Variants in TMEM235 observed in about 807,000 individuals in gnomAD.
The protein encoded by TMEM235 is transmembrane protein 235, also known as claudin-27.
Under a neutral mutation model 22.9 loss-of-function variants are expected in TMEM235, and 23 were observed. The observed-to-expected ratio is 1.00, with a 90% CI of 0.72 to 1.42. TMEM235 has a LOEUF of 1.42. Ranked by LOEUF, TMEM235 falls within the 40% of genes most tolerant of loss-of-function variation. TMEM235 has a pLI of 0.00. For synonymous variants in TMEM235, 137 were observed against 140.5 expected (o/e 0.98, Z 0.17); for missense variants, 308 against 299.5 (o/e 1.03, Z -0.21).
At position 78,237,535 on chromosome 17, in the gene TMEM235, T is replaced by A. The variant is rs969044446; in HGVS notation, c.410-1489T>A. 6.6e-6 allele frequency among the ~76,000 whole-genome samples: 1 copy of A among 152,090 alleles called. No individual in the cohort carries two copies. Among genetic ancestry groups the A allele is most frequent in the African/African-American group, 2.4e-5 (1 of 41,414 alleles). On this transcript the variant is annotated intron_variant, in intron 4 of 5. Transcript: ENST00000421688. The surrounding 1 kb of genome is among the most constrained non-coding windows in gnomAD (Gnocchi z 4.7). ...CACCTTCATTTTGGGAGAAAGGCCG[T>A]GTCCTCGGCCAGGCTACAGGAGGCA...
rs1189503797 is a variant in TMEM235, at chr17:78,238,833, TG to T, written c.410-189del. On this transcript the variant is annotated intron_variant, in intron 4 of 5. Transcript: ENST00000421688. The surrounding 1 kb of genome is among the most constrained non-coding windows in gnomAD (Gnocchi z 4.3). ...GCCCTGTCCAACCCCAAGCAGGAGG[TG>T]GTGTCTGGGAGAGGCGGCCAGGTTG... is the stretch of plus-strand genomic sequence containing the variant. Among the ~76,000 whole-genome samples the T allele has an allele frequency of 1.3e-5, 2 of 151,028 alleles. No homozygotes were observed. The highest frequency in any genetic ancestry group is 4.9e-5 in the African/African-American group (2 of 40,980).
In TMEM235 at chr17:78,237,079, G is replaced by A. The variant is rs74723665; in HGVS notation, c.410-1945G>A. ...CCTGGGAGCGAAGGCACCGGCTAGG[G>A]GGTGGAGGGGCCGGAGGTAGCTGGT... On this transcript the variant is annotated intron_variant, in intron 4 of 5. Coordinates refer to ENST00000421688, the Ensembl canonical transcript of TMEM235. The surrounding 1 kb of genome is among the most constrained non-coding windows in gnomAD (Gnocchi z 4.7). Among the ~76,000 whole-genome samples the A allele has an allele frequency of 8.4e-3, 1,279 of 152,318 alleles. 27 individuals are homozygous for A. Among genetic ancestry groups the A allele is most frequent in the African/African-American group, 0.029 (1,208 of 41,572 alleles).
At chr17:78,233,183 G>A (rs545322846) in intron 2 of TMEM235, among the ~76,000 whole-genome samples, 3 of 152,338 alleles carry the variant, frequency 2.0e-5, no homozygotes, top group East Asian at 1.9e-4. Flanking sequence ...GGCTCTGCAC[G>A]CGTGTGAGAA....
chr17:78,233,350 G>A (rs892836991), intron 2 of TMEM235, among the ~76,000 whole-genome samples: 1 of 152,206 alleles, frequency 6.6e-6, no homozygotes, highest in African/African-American at 2.4e-5. Context: ...CTCTGAGGGG[G>A]CCTCCATGGA....
exon 6 of TMEM235, chr17:78,240,349 C>T (rs768297310): frequency 2.5e-5 from 5 of 200,378 alleles, no homozygotes; most frequent in Admixed American, 5.0e-5. Context: ...GTTTGGGATG[C>T]AGGCTTGTTA....
chr17:78,233,362 C>G (rs2076605575), intron 2 of TMEM235, among the ~76,000 whole-genome samples: 1 of 152,166 alleles, frequency 6.6e-6, no homozygotes, highest in Non-Finnish European at 1.5e-5. Context: ...CTCCATGGAG[C>G]GTTTGAAAGT....
chr17:78,232,347 G>C, intron 2 of TMEM235, 134 bp downstream of exon 1: 2 of 873,050 alleles, frequency 2.3e-6, no homozygotes, highest in Non-Finnish European at 3.2e-6. Context: ...TCTGCCCCAG[G>C]GTGTCTCTCC....
exon 2 of TMEM235, chr17:78,231,868 G>A (rs1307232738): frequency 8.7e-7 from 1 of 1,144,658 alleles, no homozygotes; most frequent in Non-Finnish European, 1.1e-6. Context: ...GGGGGCCCGC[G>A]AGGCCAGTGC....
chr17:78,231,979 G>A (rs1192434290), exon 2 of TMEM235: 1 of 772,460 alleles, frequency 1.3e-6, no homozygotes, highest in Non-Finnish European at 1.5e-6. Flanking sequence ...CGCCGCCCCC[G>A]GGGCCCTGCT....
intron 4 of TMEM235, among the ~76,000 whole-genome samples, chr17:78,236,576 TG>T (rs2076646695): frequency 6.6e-6 from 1 of 152,224 alleles, no homozygotes; most frequent in Non-Finnish European, 1.5e-5. Context: ...CCACTGGTGC[TG>T]TCTCCTCAGT....
chr17:78,234,435 G>A, intron 3 of TMEM235, 158 bp from the exon 3 acceptor site: 5 of 1,134,430 alleles, frequency 4.4e-6, no homozygotes, highest in Non-Finnish European at 6.4e-6. Context: ...CCCTGCCAGA[G>A]TCAGAGGGGG....
At chr17:78,239,582 G>A (rs1386703088) in intron 5 of TMEM235, among the ~76,000 whole-genome samples, 198 bp from the exon 5 acceptor site, 2 of 152,190 alleles carry the variant, frequency 1.3e-5, no homozygotes, top group African/African-American at 4.8e-5. Context: ...CTGAGTGGCA[G>A]AGTTGGGTGG....
intron 5 of TMEM235, among the ~76,000 whole-genome samples, chr17:78,239,571 G>A (rs976672480): frequency 6.6e-6 from 1 of 152,204 alleles, no homozygotes; most frequent in Admixed American, 6.5e-5. Flanking sequence ...GGTGACACAG[G>A]CTGAGTGGCA....
chr17:78,232,268 C>T, intron 2 of TMEM235, 55 bp downstream of exon 1: 6 of 1,379,658 alleles, frequency 4.3e-6, no homozygotes, highest in Non-Finnish European at 5.6e-6. Context: ...CCTCCGACAC[C>T]CCCTTAACCC....
At position 78,238,954 on chromosome 17, in the gene TMEM235, T is replaced by A; in HGVS notation, c.410-70T>A. 6.7e-7 allele frequency: 1 copy of A among 1,488,118 alleles called. No individual in the cohort carries two copies. Among genetic ancestry groups the A allele is most frequent in the Non-Finnish European group, 9.0e-7 (1 of 1,116,960 alleles). The allele number at this position is 1,488,118 out of a possible 1,614,324, so 92.2% of individuals were successfully genotyped here. On this transcript the variant is annotated intron_variant, in intron 4 of 5. Coordinates refer to ENST00000421688, the Ensembl canonical transcript of TMEM235. This position sits in a 1 kb window ranked among gnomAD's most constrained non-coding sequence, Gnocchi z 4.3. ...GGGCCGGGGATGCTGAGGCCATGTC[T>A]GCAGGACCACCTGGGCCTGGGCCCG...
chr17:78,233,695 CA>C (rs779888336), intron 2 of TMEM235, among the ~76,000 whole-genome samples, 199 bp from the exon 2 acceptor site: 183 of 129,276 alleles, frequency 1.4e-3, no homozygotes, highest in African/African-American at 1.9e-3. Context: ...GACTCCATCT[CA>C]AAAAAAAAAA....
chr17:78,240,046 C>T (rs567411068), exon 6 of TMEM235: 27 of 1,479,778 alleles, frequency 1.8e-5, no homozygotes, highest in South Asian at 1.3e-4. Flanking sequence ...TGAGCACTTC[C>T]GGGAAGAGCA....
chr17:78,236,241 C>T lies in TMEM235; in HGVS notation c.409+1511C>T, dbSNP rs540170118. 2.6e-5 allele frequency among the ~76,000 whole-genome samples: 4 copies of T among 152,134 alleles called. No individual in the cohort carries two copies. In the South Asian group the frequency reaches 6.2e-4, roughly 24 times the overall value. ...TACTGGGTCAGATCATGCGGGGGGG[C>T]CTGGGGCCAGCCCCTCACCACACCC... On this transcript the variant is annotated intron_variant, in intron 4 of 5. Coordinates refer to ENST00000421688, the Ensembl canonical transcript of TMEM235.
At chr17:78,240,137 G>A in exon 6 of TMEM235, 1 of 1,199,230 alleles carries the variant, frequency 8.3e-7, no homozygotes, top group South Asian at 1.6e-5. Flanking sequence ...CAGCAACCCG[G>A]GGGAGGTATG....
Sources: allele counts gnomAD v4.1 joint callset (sites outside exome capture counted in the v4.1 genomes callset), GRCh38; gene constraint gnomAD v4.1.1; non-coding constraint Gnocchi (gnomAD v3.1); transcripts MANE v1.5; gene names NCBI Gene and HGNC (gene_info 2026-07-23, HGNC 2026-07-21).